Variants in NAALADL2 observed in about 807,000 individuals in gnomAD.
The protein encoded by NAALADL2 is inactive N-acetylated-alpha-linked acidic dipeptidase-like protein 2.
A neutral mutation model predicts 87.2 loss-of-function variants in NAALADL2; 76 were observed. That is an observed-to-expected ratio of 0.87 (90% CI 0.72 to 1.05). The LOEUF (loss-of-function observed/expected upper bound fraction) is 1.05. Ranked by LOEUF, NAALADL2 falls within the 50% of genes least tolerant of loss-of-function variation. The pLI is 0.00. For missense variants in NAALADL2, 1,089 were observed against 945.8 expected (o/e 1.15, Z -1.99); for synonymous variants, 354 against 331.0 (o/e 1.07, Z -0.75).
At chr3:175,072,530 T>C (rs1198879342) in intron 1 of NAALADL2, among the ~76,000 whole-genome samples, 2 of 151,660 alleles carry the variant, frequency 1.3e-5, no homozygotes, top group East Asian at 1.9e-4. Flanking sequence ...TCTATATCAT[T>C]GTATGAGTTA....
chr3:174,788,040 G>A (rs1252774563), intron 3 of NAALADL2, among the ~76,000 whole-genome samples: 1 of 152,044 alleles, frequency 6.6e-6, no homozygotes, highest in Non-Finnish European at 1.5e-5. Context: ...TAGTTGAAAG[G>A]CACGTATGGA....
At chr3:174,931,386 C>T (rs2108419167) in intron 1 of NAALADL2, among the ~76,000 whole-genome samples, 1 of 152,226 alleles carries the variant, frequency 6.6e-6, no homozygotes, top group East Asian at 1.9e-4. Context: ...CTCTGTCTCA[C>T]TTTTCCAAAC....
intron 9 of NAALADL2, among the ~76,000 whole-genome samples, chr3:175,532,772 A>G (rs533066935): frequency 6.6e-6 from 1 of 152,276 alleles, no homozygotes; most frequent in Admixed American, 6.5e-5. Flanking sequence ...TTGTATTTAA[A>G]TTTTGCAGCT....
intron 1 of NAALADL2, among the ~76,000 whole-genome samples, chr3:174,508,113 G>GTTTTTTTTTTTTTTTTTTTTTTTT (rs1560020933): frequency 1.1e-5 from 1 of 92,942 alleles, no homozygotes; most frequent in African/African-American, 3.9e-5. Flanking sequence ...GATATCTAGT[G>GTTTTTTTTTTTTTTTTTTTTTTTT]GTTTTTTTTT....
chr3:174,632,903 C>T (rs1240372544), intron 2 of NAALADL2, among the ~76,000 whole-genome samples: 1 of 137,564 alleles, frequency 7.3e-6, no homozygotes, highest in Non-Finnish European at 1.5e-5. Context: ...CCAGTGCACT[C>T]CAGCCTGGAG....
At chr3:175,393,190 C>T (rs1298221888) in intron 5 of NAALADL2, among the ~76,000 whole-genome samples, 8 of 138,390 alleles carry the variant, frequency 5.8e-5, no homozygotes, top group African/African-American at 2.1e-4. Flanking sequence ...AGGAGAATGG[C>T]GTGAACCCGG....
intron 9 of NAALADL2, among the ~76,000 whole-genome samples, chr3:175,539,484 ATTTTT>A (rs564867129): frequency 5.7e-4 from 86 of 152,172 alleles, no homozygotes; most frequent in African/African-American, 1.9e-3. Flanking sequence ...TAGTTTATTG[ATTTTT>A]TATTTTATTT....
chr3:175,227,718 G>T (rs997899103), intron 2 of NAALADL2, among the ~76,000 whole-genome samples: 1 of 151,842 alleles, frequency 6.6e-6, no homozygotes, highest in African/African-American at 2.4e-5. Flanking sequence ...TAAATGATTT[G>T]AAATGATTAA....
upstream of NAALADL2, among the ~76,000 whole-genome samples, chr3:174,859,033 A>G (rs1482462036): frequency 1.3e-5 from 2 of 152,146 alleles, no homozygotes; most frequent in East Asian, 3.9e-4. Context: ...GAAACACTCA[A>G]AAACAAAGAA....
chr3:175,110,149 T>TA lies in NAALADL2; in HGVS notation c.545+12860dup, dbSNP rs200065497. Among the ~76,000 whole-genome samples, 827 of 151,984 alleles carry TA rather than the reference T, an allele frequency of 5.4e-3. 5 individuals carry two copies. Among genetic ancestry groups the TA allele is most frequent in the African/African-American group, 0.019 (786 of 41,512 alleles). On this transcript the variant is annotated intron_variant, in intron 2 of 13. Transcript: ENST00000454872. ...ACATACAGAACTCTTATGGTACGAA[T>TA]AATAAGAGAAATGTATTTCTGATTC...
intron 3 of NAALADL2, among the ~76,000 whole-genome samples, chr3:175,245,620 C>T (rs1323573133): frequency 6.6e-6 from 1 of 152,158 alleles, no homozygotes; most frequent in Non-Finnish European, 1.5e-5. Context: ...TTAAGCACTG[C>T]ATTTAGTGTA....
At chr3:175,500,147 A>G (rs1729346633) in intron 9 of NAALADL2, among the ~76,000 whole-genome samples, 1 of 152,092 alleles carries the variant, frequency 6.6e-6, no homozygotes, top group African/African-American at 2.4e-5. Flanking sequence ...TCTACCTCCT[A>G]GAATCATTAT....
intron 4 of NAALADL2, among the ~76,000 whole-genome samples, chr3:175,258,367 C>T (rs897601018): frequency 6.7e-6 from 1 of 150,220 alleles, no homozygotes; most frequent in Non-Finnish European, 1.5e-5. Flanking sequence ...AGGCTTTCAA[C>T]CCAGGCAGTC....
chr3:175,379,344 C>T (rs1767519344), intron 5 of NAALADL2, among the ~76,000 whole-genome samples: 1 of 151,952 alleles, frequency 6.6e-6, no homozygotes, highest in African/African-American at 2.4e-5. Flanking sequence ...TAATTCTGAC[C>T]CAAACTACAA....
chr3:175,086,694 T>C (rs1580367546), intron 1 of NAALADL2, among the ~76,000 whole-genome samples: 1 of 152,224 alleles, frequency 6.6e-6, no homozygotes, highest in South Asian at 2.1e-4. Flanking sequence ...TATATTCCTC[T>C]TCATAAATAA....
intron 5 of NAALADL2, among the ~76,000 whole-genome samples, chr3:175,341,006 T>A (rs1762513575): frequency 6.6e-6 from 1 of 152,124 alleles, no homozygotes; most frequent in Non-Finnish European, 1.5e-5. Context: ...AAGGTTTTTT[T>A]TTTTAATGAG....
chr3:174,586,998 G>A (rs1407920139), intron 2 of NAALADL2, among the ~76,000 whole-genome samples: 3 of 121,374 alleles, frequency 2.5e-5, no homozygotes, highest in Admixed American at 9.1e-5. Context: ...CCCACCCCAC[G>A]ACAGGCCCTG....
intron 13 of NAALADL2, among the ~76,000 whole-genome samples, chr3:175,784,063 A>G (rs1751547492): frequency 6.7e-6 from 1 of 148,946 alleles, no homozygotes; most frequent in Non-Finnish European, 1.5e-5. Flanking sequence ...CCACTTGATC[A>G]TGGTGGATAA....
At chr3:175,231,559 G>A (rs952685665) in intron 2 of NAALADL2, among the ~76,000 whole-genome samples, 7 of 151,910 alleles carry the variant, frequency 4.6e-5, no homozygotes, top group Admixed American at 1.3e-4. Flanking sequence ...ATTTGCCTTC[G>A]AGGCCTTATA....
Sources: allele counts gnomAD v4.1 joint callset (sites outside exome capture counted in the v4.1 genomes callset), GRCh38; gene constraint gnomAD v4.1.1; transcripts MANE v1.5; gene names NCBI Gene and HGNC (gene_info 2026-07-23, HGNC 2026-07-21).